STARD6: variants seen among roughly 807,000 people sequenced by gnomAD.
STARD6 encodes the protein stAR-related lipid transfer protein 6.
Under a neutral mutation model 22.3 loss-of-function variants are expected in STARD6, and 21 were observed. The ratio of observed to expected loss-of-function variants is 0.94; its 90% CI spans 0.67 to 1.35. The LOEUF (loss-of-function observed/expected upper bound fraction) is 1.35. Among genes scored for constraint, STARD6 ranks in the 40% most tolerant of loss-of-function variants. The pLI, the probability that STARD6 is intolerant of heterozygous loss-of-function variation, is 0.00. For missense variants in STARD6, 269 were observed against 266.9 expected, an observed-to-expected ratio of 1.01 and a Z score of -0.05; for synonymous variants, 80 against 88.1, an observed-to-expected ratio of 0.91 and a Z score of 0.52.
At chr18:54,333,278 T>C (rs2088880338) in intron 5 of STARD6, among the ~76,000 whole-genome samples, 1 of 152,060 alleles carries the variant, frequency 6.6e-6, no homozygotes, top group Admixed American at 6.5e-5. Context: ...TGAAACTCTG[T>C]CTCTACTAAA....
At chr18:54,352,674 G>C (rs1165513233) in intron 4 of STARD6, among the ~76,000 whole-genome samples, 2 of 152,216 alleles carry the variant, frequency 1.3e-5, no homozygotes, top group East Asian at 1.9e-4. Flanking sequence ...CACTCAAACT[G>C]TGAGTGCAAA....
intron 4 of STARD6, 31 bp downstream of exon 4, chr18:54,354,023 A>T: frequency 7.1e-7 from 1 of 1,415,654 alleles, no homozygotes; most frequent in Admixed American, 2.0e-5. Context: ...TGAATTTAAA[A>T]CAGTAATTGT....
chr18:54,329,886 T>A (rs919771023), intron 6 of STARD6, among the ~76,000 whole-genome samples: 4 of 151,884 alleles, frequency 2.6e-5, no homozygotes, highest in Middle Eastern at 3.4e-3. Context: ...TTTTTTTTTT[T>A]AAATAAAATA....
At position 54,356,763 on chromosome 18, in the gene STARD6, C is replaced by T. The variant is rs1657901; in HGVS notation, c.-88-319G>A. Among the ~76,000 whole-genome samples, 7 of 152,248 alleles carry T rather than the reference C, an allele frequency of 4.6e-5. No individual in the cohort carries two copies. In the East Asian group the frequency reaches 7.7e-4, roughly 17 times the overall value. Reference sequence around the variant, plus strand: ...ATTAACAAGGATTGTTAATCCCCGACCAGGGCTCGTCTTAGCATATAAAAC... The same window carrying T: ...ATTAACAAGGATTGTTAATCCCCGATCAGGGCTCGTCTTAGCATATAAAAC... On this transcript the variant is annotated intron_variant, in intron 1 of 7. Coordinates refer to ENST00000307844, the MANE Select transcript of STARD6 (RefSeq NM_139171.2).
intron 4 of STARD6, among the ~76,000 whole-genome samples, chr18:54,338,953 C>A (rs2088942570): frequency 7.0e-6 from 1 of 141,966 alleles, no homozygotes; most frequent in Non-Finnish European, 1.5e-5. Context: ...GAGGCTGAGG[C>A]AGGAGAATCG....
intron 1 of STARD6, chr18:54,357,245 T>C (rs2089158443): frequency 6.6e-6 from 1 of 152,182 alleles, no homozygotes; most frequent in African/African-American, 2.4e-5. Flanking sequence ...TAGTGAGTCT[T>C]TACATCTGTT....
chr18:54,327,388 C>T (rs1205280253), intron 7 of STARD6, among the ~76,000 whole-genome samples: 2 of 151,106 alleles, frequency 1.3e-5, no homozygotes, highest in Admixed American at 6.6e-5. Context: ...AGGATGACTA[C>T]GAAAAAATTC....
rs1460039626 is a variant in STARD6, at chr18:54,357,852, C to T, written c.-149G>A. The T allele has an allele frequency of 1.3e-5, 2 of 152,494 alleles. No individual in the cohort carries two copies. Among genetic ancestry groups the T allele is most frequent in the East Asian group, 1.9e-4 (1 of 5,172 alleles). The allele number at this position is 152,494 out of a possible 1,614,324, so 9.4% of individuals were successfully genotyped here. On this transcript the variant is annotated 5_prime_UTR_variant, in exon 1 of 8. It removes an upstream start codon present in the reference 5' UTR. Coordinates refer to ENST00000307844, the MANE Select transcript of STARD6 (RefSeq NM_139171.2). ...ATCCTCTCTTCTCCGGCCGCTCCCT[C>T]ATCTCCGCTCGCGCCCGGCGCCCCA...
At chr18:54,354,888 T>C (rs2144700348) in intron 2 of STARD6, among the ~76,000 whole-genome samples, 1 of 152,358 alleles carries the variant, frequency 6.6e-6, no homozygotes, top group Admixed American at 6.5e-5. Context: ...ATTAGGATAA[T>C]ATATGTCTTG....
intron 4 of STARD6, among the ~76,000 whole-genome samples, chr18:54,340,120 G>T (rs934022961): frequency 6.6e-6 from 1 of 151,880 alleles, no homozygotes; most frequent in Non-Finnish European, 1.5e-5. Context: ...TATTTAGATG[G>T]GTAAGATAGA....
intron 4 of STARD6, among the ~76,000 whole-genome samples, chr18:54,348,291 G>A (rs972780286): frequency 3.9e-5 from 6 of 152,164 alleles, no homozygotes; most frequent in African/African-American, 1.4e-4. Flanking sequence ...ATTAAATGTA[G>A]TGGTGGTAAT....
At chr18:54,353,949 T>C in intron 4 of STARD6, 105 bp downstream of exon 4, 1 of 610,830 alleles carries the variant, frequency 1.6e-6, no homozygotes, top group Non-Finnish European at 2.8e-6. Context: ...TTCTATTTAT[T>C]ACTATAAAAT....
chr18:54,338,279 C>G (rs1040175571), intron 4 of STARD6, among the ~76,000 whole-genome samples: 1 of 152,166 alleles, frequency 6.6e-6, no homozygotes, highest in Non-Finnish European at 1.5e-5. Context: ...GACAAAACTT[C>G]CAAGCTACCA....
rs1365052230 is a variant in STARD6 at position 54,324,835 on chromosome 18, C to T, written c.520G>A (p.Glu174Lys). ...GATGGGGACAATTTTCCTCTCATTT[C>T]TGTCTGGACAAACATCACTAGTTTG... ...YSKLVMFVQTEMRGKLSPSII... is the reference protein window; with the variant it reads ...YSKLVMFVQTKMRGKLSPSII... The change falls in exon 8 of 8, where the codon GAA becomes AAA. Residue 174 changes from glutamate (E) to lysine (K), a missense_variant. Glu to Lys is a moderately conservative substitution (Grantham distance 56). Coordinates refer to ENST00000307844, the MANE Select transcript of STARD6 (RefSeq NM_139171.2). 5 of 1,601,130 alleles carry T rather than the reference C, an allele frequency of 3.1e-6. No homozygotes were observed. In the South Asian group the frequency reaches 5.6e-5, roughly 18 times the overall value.
At chr18:54,343,996 A>G (rs2089011382) in intron 4 of STARD6, among the ~76,000 whole-genome samples, 1 of 48,230 alleles carries the variant, frequency 2.1e-5, no homozygotes, top group African/African-American at 2.6e-4. Flanking sequence ...CCGGGAGGTG[A>G]GGGGCGCCTC....
intron 4 of STARD6, among the ~76,000 whole-genome samples, 154 bp from the exon 5 acceptor site, chr18:54,337,405 A>G (rs1212354739): frequency 6.6e-6 from 1 of 152,248 alleles, no homozygotes; most frequent in Non-Finnish European, 1.5e-5. Flanking sequence ...TTAATATTCA[A>G]TTGGAAGTAG....
chr18:54,330,949 G>C (rs1233533799), intron 6 of STARD6, among the ~76,000 whole-genome samples: 1 of 152,020 alleles, frequency 6.6e-6, no homozygotes, highest in Admixed American at 6.6e-5. Context: ...TGCAGAAAGA[G>C]CTAACTGGGT....
At chr18:54,356,590 G>A (rs898407140) in intron 1 of STARD6, 146 bp from the exon 2 acceptor site, 8 of 151,940 alleles carry the variant, frequency 5.3e-5, no homozygotes, top group African/African-American at 1.9e-4. Flanking sequence ...GCCCCAAGAT[G>A]AAAGAAAAAT....
chr18:54,351,899 GTTTTTTTT>G (rs60888927), intron 4 of STARD6, among the ~76,000 whole-genome samples: 1 of 70,660 alleles, frequency 1.4e-5, no homozygotes, highest in African/African-American at 7.8e-5. Context: ...ATATTGGTCC[GTTTTTTTT>G]TTTTTTTTTT....
Sources: allele counts gnomAD v4.1 joint callset (sites outside exome capture counted in the v4.1 genomes callset), GRCh38; gene constraint gnomAD v4.1.1; transcripts MANE v1.5; gene names NCBI Gene and HGNC (gene_info 2026-07-23, HGNC 2026-07-21).